Variants in TOX observed in about 807,000 individuals in gnomAD.
TOX encodes thymocyte selection associated high mobility group box.
Under a neutral mutation model 53.7 loss-of-function variants are expected in TOX, and 11 were observed. That is an observed-to-expected ratio of 0.20 (90% CI 0.13 to 0.34). The LOEUF (loss-of-function observed/expected upper bound fraction) is 0.34. Among genes scored for constraint, TOX ranks in the 10% least tolerant of loss-of-function variants. The pLI is 1.00. For synonymous variants in TOX, 225 were observed against 245.3 expected (o/e 0.92, Z 0.77); for missense variants, 570 against 664.6 (o/e 0.86, Z 1.56).
At chr8:58,914,558 A>C (rs1393725919) in intron 3 of TOX, among the ~76,000 whole-genome samples, 1 of 152,232 alleles carries the variant, frequency 6.6e-6, no homozygotes, top group Non-Finnish European at 1.5e-5. Context: ...GGTGGGGGAC[A>C]GAAATACTGG....
chr8:58,887,860 C>CATTA (rs1428634800), intron 3 of TOX, among the ~76,000 whole-genome samples: 1 of 152,024 alleles, frequency 6.6e-6, no homozygotes, highest in African/African-American at 2.4e-5. Flanking sequence ...ACGAATACAG[C>CATTA]ATTAGTTGCA....
intron 1 of TOX, among the ~76,000 whole-genome samples, chr8:59,038,532 GA>G (rs1224783794): frequency 2.6e-4 from 39 of 152,174 alleles, no homozygotes; most frequent in African/African-American, 8.4e-4. Context: ...AGCTGTTTCA[GA>G]GAGATTATAC....
chr8:58,878,093 C>G (rs1811316401), intron 3 of TOX, among the ~76,000 whole-genome samples: 1 of 152,064 alleles, frequency 6.6e-6, no homozygotes, highest in Admixed American at 6.5e-5. Context: ...TCATCACTAG[C>G]AGTGCCATCA....
intron 3 of TOX, among the ~76,000 whole-genome samples, chr8:58,876,997 T>A (rs1454290787): frequency 6.6e-6 from 1 of 152,190 alleles, no homozygotes. Context: ...AGCTTTGAAG[T>A]GAACTAAAGT....
intron 2 of TOX, among the ~76,000 whole-genome samples, chr8:58,948,310 T>C (rs916469019): frequency 1.2e-4 from 19 of 152,256 alleles, no homozygotes; most frequent in African/African-American, 4.6e-4. Context: ...AAGTCCTTAG[T>C]GTTTACATGC....
chr8:58,946,390 C>A lies in TOX; in HGVS notation c.169-6846G>T, dbSNP rs1812522426. 2.6e-5 allele frequency among the ~76,000 whole-genome samples: 4 copies of A among 152,150 alleles called. No homozygotes were observed. The South Asian group carries it at 8.3e-4, about 32-fold the overall frequency. ...TAATCTCTGATTTCTTTTGAGAAGA[C>A]CTTCAGGAGTAAGTATTTTTCAGAT... On this transcript the variant is annotated intron_variant, in intron 2 of 8. Transcript: ENST00000361421.
At chr8:59,002,174 A>C (rs978268516) in intron 1 of TOX, among the ~76,000 whole-genome samples, 2 of 149,848 alleles carry the variant, frequency 1.3e-5, no homozygotes, top group African/African-American at 4.9e-5. Context: ...GGGTTTCACC[A>C]TGTTGGTAAG....
At chr8:59,037,294 TTTTA>T (rs1803487918) in intron 1 of TOX, among the ~76,000 whole-genome samples, 1 of 152,066 alleles carries the variant, frequency 6.6e-6, no homozygotes, top group Non-Finnish European at 1.5e-5. Context: ...ATGTCTAACT[TTTTA>T]AATATATTTT....
At chr8:59,060,310 C>T (rs975610384) in intron 1 of TOX, among the ~76,000 whole-genome samples, 1 of 152,142 alleles carries the variant, frequency 6.6e-6, no homozygotes, top group Non-Finnish European at 1.5e-5. Context: ...CTTCTGGCTC[C>T]CAATCCCAAT....
At chr8:59,113,450 T>C (rs1211920082) in intron 1 of TOX, among the ~76,000 whole-genome samples, 1 of 152,076 alleles carries the variant, frequency 6.6e-6, no homozygotes. Flanking sequence ...ACAGCATAAT[T>C]TGGGATTTCA....
rs1810825786 is a variant in TOX at position 58,851,705 on chromosome 8, G to GGCT, written c.509_511dup (p.Gln170dup). ...CAGCTGGCCATGTGGCATCATTCCTGGCTGCTGCCTGATGTCTGCAGGCTG... is the reference window on the plus strand; with the variant it reads ...CAGCTGGCCATGTGGCATCATTCCTGGCTGCTGCTGCCTGATGTCTGCAGGCTG... On this transcript the variant is annotated inframe_insertion, in exon 4 of 9. Transcript: ENST00000361421. The surrounding 1 kb of genome is among the most constrained non-coding windows in gnomAD (Gnocchi z 4.4). The GGCT allele has an allele frequency of 6.2e-7, 1 of 1,613,476 alleles. No individual in the cohort carries two copies. The highest frequency in any genetic ancestry group is 1.3e-5 in the African/African-American group (1 of 74,828).
chr8:59,092,357 A>T (rs1398472749), intron 1 of TOX, among the ~76,000 whole-genome samples: 6 of 128,088 alleles, frequency 4.7e-5, no homozygotes, highest in Admixed American at 1.7e-4. Context: ...TATATATATT[A>T]TATATATATA....
intron 3 of TOX, among the ~76,000 whole-genome samples, chr8:58,872,227 T>C (rs544346098): frequency 1.3e-5 from 2 of 152,020 alleles, no homozygotes; most frequent in South Asian, 4.1e-4. Context: ...CTAAGTAAAA[T>C]AGTTCTGAAT....
chr8:58,818,802 T>C (rs1380626630), intron 6 of TOX, among the ~76,000 whole-genome samples: 2 of 152,114 alleles, frequency 1.3e-5, no homozygotes, highest in African/African-American at 4.8e-5. Flanking sequence ...CTTCCTGAAG[T>C]GATGAGAAAT....
chr8:59,024,591 C>G (rs1397489490), intron 1 of TOX, among the ~76,000 whole-genome samples: 1 of 152,226 alleles, frequency 6.6e-6, no homozygotes, highest in East Asian at 1.9e-4. Context: ...GCCAGCAGCC[C>G]TCTTTATAAT....
chr8:58,852,188 G>A (rs546331462), intron 3 of TOX, among the ~76,000 whole-genome samples: 1 of 152,206 alleles, frequency 6.6e-6, no homozygotes, highest in East Asian at 1.9e-4. Context: ...TCATTAGAGT[G>A]TCTGTCAAAA....
intron 3 of TOX, among the ~76,000 whole-genome samples, chr8:58,938,614 G>C (rs1812385924): frequency 6.6e-6 from 1 of 152,078 alleles, no homozygotes; most frequent in Non-Finnish European, 1.5e-5. Flanking sequence ...CTCAAGTATG[G>C]GATGCTTGTA....
At chr8:58,932,202 C>A (rs1190355648) in intron 3 of TOX, among the ~76,000 whole-genome samples, 1 of 151,998 alleles carries the variant, frequency 6.6e-6, no homozygotes, top group Admixed American at 6.6e-5. Context: ...AACAAAAAAA[C>A]CAGCCCATTT....
chr8:58,920,720 T>TAAAAAAAAAAAA (rs1245078149), intron 3 of TOX, among the ~76,000 whole-genome samples: 1 of 21,954 alleles, frequency 4.6e-5, no homozygotes, highest in African/African-American at 1.1e-4. Context: ...AAAAAAAACA[T>TAAAAAAAAAAAA]TAAAAAAAAA....
Sources: allele counts gnomAD v4.1 joint callset (sites outside exome capture counted in the v4.1 genomes callset), GRCh38; gene constraint gnomAD v4.1.1; non-coding constraint Gnocchi (gnomAD v3.1); transcripts MANE v1.5; gene names NCBI Gene and HGNC (gene_info 2026-07-23, HGNC 2026-07-21).